The following SORL1-AS1 variants were observed in gnomAD, a reference collection of about 807,000 sequenced individuals.
SORL1-AS1 encodes lncRNA 51 A.
At chr11:121,443,730 G>C (rs1220753489), downstream of SORL1-AS1, among the ~76,000 whole-genome samples, 1 of 152,234 alleles carries the variant, frequency 6.6e-6, no homozygotes, top group Admixed American at 6.5e-5. Context: ...ATTTGAATCA[G>C]AAGGTGTATA....
At chr11:121,451,730 TGA>T (rs1426725021) in intron 1 of SORL1-AS1, among the ~76,000 whole-genome samples, 2 of 151,984 alleles carry the variant, frequency 1.3e-5, no homozygotes, top group African/African-American at 4.8e-5. Context: ...TGAAAAACTG[TGA>T]GTTTCCCAAT....
chr11:121,441,690 T>C, the SORL1-AS1 span, among the ~76,000 whole-genome samples: 1 of 152,172 alleles, frequency 6.6e-6, no homozygotes, highest in East Asian at 1.9e-4. Flanking sequence ...GGCTTGAGGA[T>C]GTTCTGGTGA....
chr11:121,449,342 T>C (rs1400073127), exon 2 of SORL1-AS1: 1 of 152,180 alleles, frequency 6.6e-6, no homozygotes, highest in African/African-American at 2.4e-5. Context: ...TTCAGAGGGA[T>C]AGAGGAAGTG....
chr11:121,438,884 G>T, the SORL1-AS1 span, among the ~76,000 whole-genome samples: 76 of 152,284 alleles, frequency 5.0e-4, no homozygotes, highest in South Asian at 2.9e-3. Context: ...AAATTAGCCA[G>T]GTGTGGTGGC....
chr11:121,445,774 C>A (rs552309226), downstream of SORL1-AS1, among the ~76,000 whole-genome samples: 12 of 152,108 alleles, frequency 7.9e-5, no homozygotes, highest in South Asian at 4.1e-4. Flanking sequence ...TTTTTCCCCC[C>A]AAGACAGAAT....
chr11:121,449,256 C>G (rs117659504), exon 2 of SORL1-AS1: 3 of 152,154 alleles, frequency 2.0e-5, no homozygotes, highest in Admixed American at 1.3e-4. Context: ...GGGCAGCATC[C>G]GAGCAAGGCC....
At chr11:121,446,486 C>T (rs148321365), downstream of SORL1-AS1, among the ~76,000 whole-genome samples, 1,421 of 152,198 alleles carry the variant, frequency 9.3e-3, 24 homozygotes, top group African/African-American at 0.033. Flanking sequence ...CATGGTGGCT[C>T]ATGCCTGTAA....
downstream of SORL1-AS1, chr11:121,447,248 G>A (rs1463357255): frequency 1.3e-5 from 2 of 151,720 alleles, no homozygotes; most frequent in Non-Finnish European, 2.9e-5. Context: ...AGAAGTTCAG[G>A]AAGTTGAGTT....
At chr11:121,444,431 A>C (rs547088242), downstream of SORL1-AS1, among the ~76,000 whole-genome samples, 29 of 152,214 alleles carry the variant, frequency 1.9e-4, no homozygotes, top group Non-Finnish European at 3.5e-4. Flanking sequence ...GGATGAAGAA[A>C]CTTAGGCTCT....
rs911407554 is a variant in SORL1-AS1 at position 121,452,530 on chromosome 11, A to T, written n.339+145T>A. ...GCGGCTGTGGGCGCGCGGGGATGCC[A>T]GGGGGGCGAGCCGCGCGGACGAGAA... On this transcript the variant is annotated intron_variant and non_coding_transcript_variant, in intron 1 of 1. Coordinates refer to ENST00000501964, the Ensembl canonical transcript of SORL1-AS1. The surrounding 1 kb of genome is among the most constrained non-coding windows in gnomAD (Gnocchi z 5.3). The T allele has an allele frequency of 6.7e-6, 10 of 1,483,750 alleles. No individual in the cohort carries two copies. Among genetic ancestry groups the T allele is most frequent in the South Asian group, 1.3e-5 (1 of 78,108 alleles). 91.9% of individuals were successfully genotyped at this position (1,483,750 alleles called of 1,614,324 possible). A position where few individuals can be genotyped will look rare whatever the true frequency, so the allele number is the denominator to read the frequency against.
the SORL1-AS1 span, among the ~76,000 whole-genome samples, chr11:121,441,539 A>T: frequency 6.6e-6 from 1 of 150,506 alleles, no homozygotes. Context: ...TCAAAAAAAA[A>T]AAAAAAAAAA....
chr11:121,443,816 G>A (rs1860691524), downstream of SORL1-AS1, among the ~76,000 whole-genome samples: 1 of 152,206 alleles, frequency 6.6e-6, no homozygotes, highest in Non-Finnish European at 1.5e-5. Flanking sequence ...GCTGGAGTGG[G>A]CTTGCTTGGA....
At position 121,452,284 on chromosome 11, in the gene SORL1-AS1, A is replaced by T; in HGVS notation, n.339+391T>A. The T allele has an allele frequency of 7.0e-7, 1 of 1,428,750 alleles. No homozygotes were observed. The highest frequency in any genetic ancestry group is 9.2e-7 in the Non-Finnish European group (1 of 1,085,762). The allele number at this position is 1,428,750 out of a possible 1,614,324, so 88.5% of individuals were successfully genotyped here. A position where few individuals can be genotyped will look rare whatever the true frequency, so the allele number is the denominator to read the frequency against. On this transcript the variant is annotated intron_variant and non_coding_transcript_variant, in intron 1 of 1. Transcript: ENST00000501964. The surrounding 1 kb of genome is among the most constrained non-coding windows in gnomAD (Gnocchi z 5.3). ...AGCGGCTCTCCTGGCCTCGCGCTGC[A>T]CATTCTCTCCTGGCGGCGGCGCCAC...
At position 121,452,328 on chromosome 11, in the gene SORL1-AS1, G is replaced by T; in HGVS notation, n.339+347C>A. ...GCGCCACCTGCAGTAGCGTTCGCCCGAACATGGCGACACGGAGCAGCAGGA... is the reference window on the plus strand; with the variant it reads ...GCGCCACCTGCAGTAGCGTTCGCCCTAACATGGCGACACGGAGCAGCAGGA... On this transcript the variant is annotated intron_variant and non_coding_transcript_variant, in intron 1 of 1. Transcript: ENST00000501964. This position sits in a 1 kb window ranked among gnomAD's most constrained non-coding sequence, Gnocchi z 5.3. 1.3e-6 allele frequency: 2 copies of T among 1,533,992 alleles called. No homozygotes were observed. The highest frequency in any genetic ancestry group is 1.7e-6 in the Non-Finnish European group (2 of 1,144,854).
the SORL1-AS1 span, among the ~76,000 whole-genome samples, chr11:121,441,289 C>T: frequency 2.0e-4 from 31 of 151,324 alleles, no homozygotes; most frequent in South Asian, 5.8e-3. Flanking sequence ...TTTGGGAGGC[C>T]GAGGCGGGCA....
Position 121,452,599 on chromosome 11 carries a change from A to G in SORL1-AS1, n.339+76T>C. The G allele has an allele frequency of 6.6e-7, 1 of 1,517,314 alleles. No individual in the cohort carries two copies. The highest frequency in any genetic ancestry group is 2.1e-5 in the Admixed American group (1 of 48,428). The allele number at this position is 1,517,314 out of a possible 1,614,324, so 94.0% of individuals were successfully genotyped here. ...GAGCGCTGCCCTGCAGCCCGAGCCC[A>G]TCAAGGTGTACGGACAGGTGAGCAG... On this transcript the variant is annotated intron_variant and non_coding_transcript_variant, in intron 1 of 1. Coordinates refer to ENST00000501964, the Ensembl canonical transcript of SORL1-AS1. The surrounding 1 kb of genome is among the most constrained non-coding windows in gnomAD (Gnocchi z 5.3).
downstream of SORL1-AS1, among the ~76,000 whole-genome samples, chr11:121,446,224 A>C (rs1860720830): frequency 6.6e-6 from 1 of 152,230 alleles, no homozygotes; most frequent in Non-Finnish European, 1.5e-5. Context: ...ATTACAATTT[A>C]GAAAAGGAGA....
At chr11:121,441,391 C>T in the SORL1-AS1 span, among the ~76,000 whole-genome samples, 2 of 150,840 alleles carry the variant, frequency 1.3e-5, no homozygotes, top group Admixed American at 6.6e-5. Context: ...ATTAGCTGGG[C>T]GTGGTGGTGG....
chr11:121,441,514 G>C, the SORL1-AS1 span, among the ~76,000 whole-genome samples: 4 of 106,364 alleles, frequency 3.8e-5, no homozygotes, highest in African/African-American at 1.7e-4. Flanking sequence ...CTGGGTGACA[G>C]AGCGAGACTC....
Sources: gnomAD v4.1 joint callset for allele counts (sites outside exome capture counted in the v4.1 genomes callset) on GRCh38, gnomAD v4.1.1 for gene constraint, Gnocchi (gnomAD v3.1) non-coding constraint, MANE v1.5 for transcripts, NCBI Gene and HGNC (gene_info 2026-07-23, HGNC 2026-07-21) for gene names.